ZNF676: variants seen among roughly 807,000 people sequenced by gnomAD.
ZNF676 encodes zinc finger protein 676.
A neutral mutation model predicts 6.0 loss-of-function variants in ZNF676; 4 were observed. That is an observed-to-expected ratio of 0.67 (90% CI 0.33 to 1.53). ZNF676 has a LOEUF of 1.53. Among genes scored for constraint, ZNF676 ranks in the 40% most tolerant of loss-of-function variants. ZNF676 has a pLI of 0.06. For missense variants in ZNF676, 644 were observed against 679.7 expected, an observed-to-expected ratio of 0.95 and a Z score of 0.58; for synonymous variants, 198 against 223.1, an observed-to-expected ratio of 0.89 and a Z score of 1.00.
the ZNF676 span, among the ~76,000 whole-genome samples, chr19:22,246,029 A>T: frequency 2.0e-5 from 3 of 152,204 alleles, no homozygotes; most frequent in Middle Eastern, 3.2e-3. Context: ...CATACGTCAC[A>T]GTACCTAATA....
the ZNF676 span, among the ~76,000 whole-genome samples, chr19:22,250,648 C>T: frequency 6.6e-6 from 1 of 150,656 alleles, no homozygotes; most frequent in South Asian, 2.1e-4. Context: ...ATGGAGATGG[C>T]TTCCAACTAT....
the ZNF676 span, among the ~76,000 whole-genome samples, chr19:22,242,842 TTGG>T: frequency 5.3e-3 from 731 of 136,970 alleles, 24 homozygotes; most frequent in African/African-American, 0.018. Context: ...ATTACCCAAG[TTGG>T]GGGGGGGCTC....
At position 22,181,521 on chromosome 19, in the gene ZNF676, T is replaced by C. The variant is rs1214474988; in HGVS notation, c.196A>G (p.Met66Val). The C allele has an allele frequency of 1.9e-6, 3 of 1,611,118 alleles. No homozygotes were observed. Among genetic ancestry groups the C allele is most frequent in the Non-Finnish European group, 2.5e-6 (3 of 1,178,832 alleles). ...EQGIEDSFQK[M>V]ILRRYDKCGH... ...CATTTGTCATATCTTCTCAATATCA[T>C]TTTTTGGAAAGAATCTTCTATGCCT... is the stretch of plus-strand genomic sequence containing the variant. Residue 66 changes from methionine to valine, a missense_variant, in exon 3 of 3, where the codon ATG becomes GTG. This residue lies in a region of ZNF676 where 280 missense variants were observed against 269.3 expected (regional missense o/e 1.04). Transcript: ENST00000397121.
chr19:22,251,348 TATGGTAC>T, the ZNF676 span, among the ~76,000 whole-genome samples: 1 of 152,232 alleles, frequency 6.6e-6, no homozygotes, highest in East Asian at 1.9e-4. Flanking sequence ...TTTCAAGAAC[TATGGTAC>T]ACCTGTTGTT....
upstream of ZNF676, among the ~76,000 whole-genome samples, chr19:22,201,648 A>C (rs1182518219): frequency 6.7e-6 from 1 of 150,346 alleles, no homozygotes; most frequent in African/African-American, 2.4e-5. Context: ...GTCAAGCTTA[A>C]GGATTTTAAC....
chr19:22,185,406 G>T (rs1215065874), intron 2 of ZNF676, among the ~76,000 whole-genome samples: 1 of 152,038 alleles, frequency 6.6e-6, no homozygotes, highest in Non-Finnish European at 1.5e-5. Context: ...CCATAAAGAT[G>T]GGGAGAAACC....
At chr19:22,208,225 C>T (rs1437318543) in intron 1 of ZNF676, among the ~76,000 whole-genome samples, 2 of 149,304 alleles carry the variant, frequency 1.3e-5, no homozygotes, top group East Asian at 2.0e-4. Flanking sequence ...ATCCAGAATC[C>T]GTAAGAACTA....
the ZNF676 span, among the ~76,000 whole-genome samples, chr19:22,250,685 C>T: frequency 0.018 from 2,785 of 151,576 alleles, 86 homozygotes; most frequent in African/African-American, 0.064. Flanking sequence ...TGCAGGGTTC[C>T]TGACCCATGG....
intron 2 of ZNF676, among the ~76,000 whole-genome samples, chr19:22,184,879 A>C (rs2023813509): frequency 6.7e-6 from 1 of 149,988 alleles, no homozygotes. Context: ...GGGGGCATAT[A>C]GTAAAAACAC....
chr19:22,239,379 C>T, the ZNF676 span, among the ~76,000 whole-genome samples: 83 of 151,654 alleles, frequency 5.5e-4, no homozygotes, highest in East Asian at 2.0e-3. Context: ...AGGGTTTCAC[C>T]GTGTGTTAGC....
chr19:22,191,085 A>C (rs2023901369), intron 2 of ZNF676, among the ~76,000 whole-genome samples: 1 of 152,138 alleles, frequency 6.6e-6, no homozygotes, highest in Admixed American at 6.6e-5. Context: ...ATGGTATAGA[A>C]AGGTTGGAGA....
the ZNF676 span, among the ~76,000 whole-genome samples, chr19:22,253,380 A>ATATATATATATGATAATGTGTG: frequency 1.7e-5 from 2 of 114,418 alleles, no homozygotes; most frequent in African/African-American, 7.0e-5. Flanking sequence ...GTGTATATAT[A>ATATATATATATGATAATGTGTG]TATATATATA....
At chr19:22,227,577 T>C in the ZNF676 span, among the ~76,000 whole-genome samples, 2 of 152,048 alleles carry the variant, frequency 1.3e-5, no homozygotes, top group African/African-American at 4.8e-5. Context: ...CAGGAGCTGG[T>C]TTTTTGAAAA....
chr19:22,257,368 T>C, the ZNF676 span, among the ~76,000 whole-genome samples: 2 of 152,162 alleles, frequency 1.3e-5, no homozygotes, highest in South Asian at 4.1e-4. Flanking sequence ...TCTTATCTCC[T>C]AGGTGTTGGA....
chr19:22,203,223 C>T (rs1483048187), intron 1 of ZNF676: 1 of 158,014 alleles, frequency 6.3e-6, no homozygotes, highest in Admixed American at 6.5e-5. Flanking sequence ...CTGTTTCAGC[C>T]TCAGTTTTTA....
intron 2 of ZNF676, among the ~76,000 whole-genome samples, chr19:22,191,434 C>A (rs1274180289): frequency 3.3e-5 from 5 of 152,162 alleles, no homozygotes; most frequent in Admixed American, 2.0e-4. Flanking sequence ...CATTTAGAGC[C>A]ATGCTGGCAG....
At chr19:22,243,038 A>G in the ZNF676 span, among the ~76,000 whole-genome samples, 1 of 151,828 alleles carries the variant, frequency 6.6e-6, no homozygotes, top group African/African-American at 2.4e-5. Context: ...TAAGCCCAGT[A>G]TTAAGTTACT....
intron 1 of ZNF676, among the ~76,000 whole-genome samples, chr19:22,204,502 A>G (rs1292380863): frequency 6.6e-6 from 1 of 152,198 alleles, no homozygotes; most frequent in African/African-American, 2.4e-5. Context: ...ACATAACTAT[A>G]CTAACTGTAC....
chr19:22,180,031 T>A lies in ZNF676; in HGVS notation c.1686A>T (p.Lys562Asn), dbSNP rs747635120. ...KRIHTGEKPYKCEECGKAFKS... is the reference protein window; with the variant it reads ...KRIHTGEKPYNCEECGKAFKS... ...TAAAAGCTTTGCCACATTCTTCACA[T>A]TTGTAGGGTTTCTCTCCAGTATGAA... The change falls in exon 3 of 3, where the codon AAA becomes AAT. Residue 562 changes from lysine (K) to asparagine (N), a missense_variant. Physicochemically the swap from Lys to Asn is moderately conservative, Grantham distance 94 (BLOSUM62 0). This residue lies in a region of ZNF676 where 306 missense variants were observed against 265.4 expected (regional missense o/e 1.15). Transcript: ENST00000397121. 1 of 1,613,784 alleles carries A rather than the reference T, an allele frequency of 6.2e-7. No homozygotes were observed. The highest frequency in any genetic ancestry group is 8.5e-7 in the Non-Finnish European group (1 of 1,179,792).
Sources: gnomAD v4.1 joint callset for allele counts (sites outside exome capture counted in the v4.1 genomes callset) on GRCh38, gnomAD v4.1.1 for gene constraint, gnomAD v4.1.1 regional missense constraint, MANE v1.5 for transcripts, NCBI Gene and HGNC (gene_info 2026-07-23, HGNC 2026-07-21) for gene names.